Variants in KSR2 observed in about 807,000 individuals in gnomAD.
The protein encoded by KSR2 is kinase suppressor of ras 2.
In KSR2, 25 loss-of-function variants were observed where a neutral mutation model predicts 107.8. That is an observed-to-expected ratio of 0.23 (90% CI 0.17 to 0.32). The LOEUF (loss-of-function observed/expected upper bound fraction) is 0.32, where lower values mean the gene tolerates loss of function less well. Among genes scored for constraint, KSR2 ranks in the 10% least tolerant of loss-of-function variants. The pLI is 1.00. For missense variants in KSR2, 887 were observed against 1,268.9 expected (o/e 0.70, Z 4.57); for synonymous variants, 480 against 507.0 (o/e 0.95, Z 0.71).
intron 1 of KSR2, among the ~76,000 whole-genome samples, chr12:117,898,787 A>G (rs544385747): frequency 6.6e-6 from 1 of 152,230 alleles, no homozygotes; most frequent in East Asian, 1.9e-4. Flanking sequence ...AACAACATGG[A>G]GGGAACTGGA....
chr12:117,485,057 T>G (rs1872386628), intron 15 of KSR2, among the ~76,000 whole-genome samples: 1 of 152,340 alleles, frequency 6.6e-6, no homozygotes, highest in African/African-American at 2.4e-5. Flanking sequence ...TTCTTTTTTA[T>G]TGCCTTTGTG....
chr12:117,490,968 A>G (rs1872713619), intron 14 of KSR2, among the ~76,000 whole-genome samples: 1 of 152,202 alleles, frequency 6.6e-6, no homozygotes, highest in South Asian at 2.1e-4. Flanking sequence ...ATTTTCAAGT[A>G]TATAACCTAT....
chr12:117,815,013 A>G (rs1891322062), intron 3 of KSR2, among the ~76,000 whole-genome samples: 2 of 152,216 alleles, frequency 1.3e-5, no homozygotes, highest in African/African-American at 4.8e-5. Context: ...AGGGAAATAC[A>G]GATGGCTCTT....
intron 4 of KSR2, among the ~76,000 whole-genome samples, chr12:117,757,723 T>C (rs556594941): frequency 1.1e-4 from 16 of 152,350 alleles, no homozygotes. Context: ...TGATCATTAG[T>C]GTTTTTTAGT....
At chr12:117,656,999 T>G (rs1376325938) in intron 5 of KSR2, among the ~76,000 whole-genome samples, 6 of 139,406 alleles carry the variant, frequency 4.3e-5, no homozygotes, top group African/African-American at 1.6e-4. Context: ...TATATATATA[T>G]ATATATATAT....
At chr12:117,761,712 A>G (rs972945285) in intron 3 of KSR2, among the ~76,000 whole-genome samples, 188 bp from the exon 4 acceptor site, 1 of 152,204 alleles carries the variant, frequency 6.6e-6, no homozygotes. Context: ...TATGCACATT[A>G]TACCATGTGC....
chr12:117,537,699 C>T (rs2137276857), intron 10 of KSR2, among the ~76,000 whole-genome samples: 1 of 152,334 alleles, frequency 6.6e-6, no homozygotes, highest in Non-Finnish European at 1.5e-5. Flanking sequence ...ACCCAAAGGA[C>T]CCCTTAGCCC....
intron 1 of KSR2, among the ~76,000 whole-genome samples, chr12:117,924,535 G>T (rs1330201675): frequency 7.8e-6 from 1 of 128,700 alleles, no homozygotes; most frequent in East Asian, 2.5e-4. Flanking sequence ...TCGTGTCATT[G>T]CACTCCAGCC....
intron 1 of KSR2, among the ~76,000 whole-genome samples, chr12:117,956,933 C>G (rs572386183): frequency 1.3e-5 from 2 of 152,334 alleles, no homozygotes; most frequent in East Asian, 3.9e-4. Context: ...CTCTCTTTAT[C>G]TCATCCTCCC....
chr12:117,730,307 C>T lies in KSR2; in HGVS notation c.986+30704G>A, dbSNP rs371228502. On this transcript the variant is annotated intron_variant, in intron 4 of 19. Coordinates refer to ENST00000339824, the MANE Select transcript of KSR2 (RefSeq NM_173598.6). Reference sequence around the variant, plus strand: ...CTACAACGGATGATGATAAAACCTACCTCGTGGGATGCTATAAACTGATAC... The same window carrying T: ...CTACAACGGATGATGATAAAACCTATCTCGTGGGATGCTATAAACTGATAC... Among the ~76,000 whole-genome samples the T allele has an allele frequency of 3.3e-5, 5 of 152,272 alleles. No individual in the cohort carries two copies. In the South Asian group the frequency reaches 6.2e-4, roughly 19 times the overall value.
intron 4 of KSR2, among the ~76,000 whole-genome samples, chr12:117,725,082 TCTCA>T (rs72346798): frequency 0.076 from 10,593 of 139,382 alleles, 354 homozygotes; most frequent in South Asian, 0.12. Context: ...TCTCTCTCTC[TCTCA>T]CACACACACA....
At chr12:117,949,131 T>C (rs1896285006) in intron 1 of KSR2, among the ~76,000 whole-genome samples, 2 of 151,370 alleles carry the variant, frequency 1.3e-5, no homozygotes, top group South Asian at 4.2e-4. Context: ...CATATATAAA[T>C]AAAAGTAATG....
At chr12:117,737,376 T>C (rs1887985902) in intron 4 of KSR2, among the ~76,000 whole-genome samples, 1 of 152,182 alleles carries the variant, frequency 6.6e-6, no homozygotes, top group South Asian at 2.1e-4. Context: ...TTTTTATTTC[T>C]AAACAGGAAA....
intron 4 of KSR2, among the ~76,000 whole-genome samples, chr12:117,727,438 GAGGAGGAACAAA>G (rs1887476090): frequency 6.6e-6 from 1 of 150,376 alleles, no homozygotes; most frequent in South Asian, 2.1e-4. Flanking sequence ...GAAGGAGGAG[GAGGAGGAACAAA>G]AGGAGGAGGA....
intron 3 of KSR2, among the ~76,000 whole-genome samples, chr12:117,777,141 A>AT (rs1889722666): frequency 9.1e-6 from 1 of 110,480 alleles, no homozygotes; most frequent in South Asian, 3.1e-4. Flanking sequence ...ACACTATATT[A>AT]TATATATATA....
At chr12:117,661,069 C>T (rs914127087) in intron 5 of KSR2, among the ~76,000 whole-genome samples, 2 of 152,216 alleles carry the variant, frequency 1.3e-5, no homozygotes, top group African/African-American at 2.4e-5. Flanking sequence ...TGTAGGCATC[C>T]TGCCAAGGAC....
intron 1 of KSR2, among the ~76,000 whole-genome samples, chr12:117,966,797 G>A (rs1402731208): frequency 6.6e-6 from 1 of 151,802 alleles, no homozygotes; most frequent in African/African-American, 2.4e-5. Flanking sequence ...GCGAATCCGA[G>A]AAAAGCACCC....
intron 1 of KSR2, among the ~76,000 whole-genome samples, chr12:117,936,865 C>T (rs1895864594): frequency 1.3e-5 from 2 of 152,150 alleles, no homozygotes; most frequent in Admixed American, 6.5e-5. Context: ...AAACCATAAG[C>T]TGGGATGAAG....
chr12:117,835,998 A>T (rs1463918915), intron 3 of KSR2, among the ~76,000 whole-genome samples: 1 of 152,066 alleles, frequency 6.6e-6, no homozygotes, highest in Non-Finnish European at 1.5e-5. Context: ...TAAACTGACA[A>T]CCCCCTACAG....
Sources: allele counts gnomAD v4.1 joint callset (sites outside exome capture counted in the v4.1 genomes callset), GRCh38; gene constraint gnomAD v4.1.1; transcripts MANE v1.5; gene names NCBI Gene and HGNC (gene_info 2026-07-23, HGNC 2026-07-21).